Variants in TENM3 observed in about 807,000 individuals in gnomAD.
The protein encoded by TENM3 is teneurin transmembrane protein 3, also known as teneurin-3.
A neutral mutation model predicts 255.1 loss-of-function variants in TENM3; 63 were observed. That is an observed-to-expected ratio of 0.25 (90% confidence interval 0.20 to 0.30). The LOEUF is 0.30. Ranked by LOEUF, TENM3 falls within the 10% of genes least tolerant of loss-of-function variation. The probability of loss-of-function intolerance (pLI) is 1.00; values close to 1 mark genes in which losing one functional copy is unlikely to be tolerated. For missense variants in TENM3, 2,929 were observed against 3,461.1 expected (o/e 0.85, Z 3.86); for synonymous variants, 1,306 against 1,322.3 (o/e 0.99, Z 0.27).
chr4:181,781,418 C>G, the TENM3 span, among the ~76,000 whole-genome samples: 39 of 151,398 alleles, frequency 2.6e-4, no homozygotes, highest in Admixed American at 8.6e-4. Context: ...ATTTGGCTCT[C>G]TGTCTGTTAT....
At chr4:182,532,479 A>G (rs1371873988) in intron 3 of TENM3, among the ~76,000 whole-genome samples, 2 of 152,124 alleles carry the variant, frequency 1.3e-5, no homozygotes, top group African/African-American at 4.8e-5. Context: ...ACTCTCCTGT[A>G]TTTTCACTAA....
chr4:182,682,515 G>A (rs1429623908), intron 11 of TENM3, among the ~76,000 whole-genome samples: 1 of 152,098 alleles, frequency 6.6e-6, no homozygotes, highest in Non-Finnish European at 1.5e-5. Context: ...ATAAGACAAG[G>A]TAATTTCATT....
chr4:181,600,673 T>G, the TENM3 span, among the ~76,000 whole-genome samples: 3 of 151,148 alleles, frequency 2.0e-5, no homozygotes, highest in Non-Finnish European at 4.4e-5. Flanking sequence ...CATTCTTTCT[T>G]TGATATCCCA....
At chr4:182,722,391 A>G (rs1306519244) in intron 13 of TENM3, among the ~76,000 whole-genome samples, 1 of 152,148 alleles carries the variant, frequency 6.6e-6, no homozygotes, top group East Asian at 1.9e-4. Context: ...TTTTTCCTTC[A>G]TTTAGCAAAT....
intron 3 of TENM3, among the ~76,000 whole-genome samples, chr4:182,595,712 A>G (rs1747148199): frequency 6.6e-6 from 1 of 152,158 alleles, no homozygotes; most frequent in Admixed American, 6.5e-5. Context: ...TAACCATGGT[A>G]CCGAGAATTT....
chr4:181,874,796 G>A, the TENM3 span, among the ~76,000 whole-genome samples: 1 of 152,192 alleles, frequency 6.6e-6, no homozygotes, highest in Non-Finnish European at 1.5e-5. Flanking sequence ...CGCCTCCTCT[G>A]TTTAATGTTA....
chr4:181,920,560 C>T, the TENM3 span, among the ~76,000 whole-genome samples: 10 of 152,176 alleles, frequency 6.6e-5, no homozygotes, highest in East Asian at 1.9e-4. Context: ...TCATATCCTT[C>T]GCCCACTTTT....
At chr4:182,446,626 CTT>C (rs751176797) in intron 3 of TENM3, among the ~76,000 whole-genome samples, 28 of 143,010 alleles carry the variant, frequency 2.0e-4, no homozygotes, top group Non-Finnish European at 1.7e-4. Flanking sequence ...GGTCCTAGCA[CTT>C]TTTTTTTTTT....
At chr4:181,512,353 C>T in the TENM3 span, among the ~76,000 whole-genome samples, 1 of 152,186 alleles carries the variant, frequency 6.6e-6, no homozygotes, top group East Asian at 1.9e-4. Context: ...AAGCATAGTG[C>T]AGCAGCTTGC....
At chr4:182,565,491 A>G (rs1743682343) in intron 3 of TENM3, among the ~76,000 whole-genome samples, 1 of 152,222 alleles carries the variant, frequency 6.6e-6, no homozygotes, top group African/African-American at 2.4e-5. Flanking sequence ...TGTTGCCACT[A>G]TGTTGATTAT....
chr4:181,999,801 G>T, the TENM3 span, among the ~76,000 whole-genome samples: 2 of 152,058 alleles, frequency 1.3e-5, no homozygotes, highest in South Asian at 2.1e-4. Context: ...CTGTATTCAG[G>T]ATTTGACATA....
chr4:182,211,287 TTTGTC>T (rs1361556524), intron 1 of TENM3, among the ~76,000 whole-genome samples: 4 of 152,206 alleles, frequency 2.6e-5, no homozygotes, highest in East Asian at 1.9e-4. Flanking sequence ...TTTTTATACT[TTTGTC>T]TTTTCTTTTT....
At chr4:181,872,343 C>G in the TENM3 span, among the ~76,000 whole-genome samples, 1 of 151,344 alleles carries the variant, frequency 6.6e-6, no homozygotes, top group Non-Finnish European at 1.5e-5. Flanking sequence ...ATTTTAAGTT[C>G]AGGGGTACAT....
At chr4:181,827,164 G>A in the TENM3 span, among the ~76,000 whole-genome samples, 1 of 152,154 alleles carries the variant, frequency 6.6e-6, no homozygotes, top group Non-Finnish European at 1.5e-5. Context: ...GCTGTTGTTA[G>A]TCTCCCAACT....
At chr4:181,850,159 T>C in the TENM3 span, among the ~76,000 whole-genome samples, 3 of 152,102 alleles carry the variant, frequency 2.0e-5, no homozygotes, top group South Asian at 2.1e-4. Context: ...GATTTCGTTT[T>C]ATCTTTAATT....
chr4:182,054,947 G>A, the TENM3 span, among the ~76,000 whole-genome samples: 1 of 152,256 alleles, frequency 6.6e-6, no homozygotes, highest in African/African-American at 2.4e-5. Flanking sequence ...CCAGAGCTCG[G>A]AGGTAGGAGA....
At chr4:181,992,603 C>T in the TENM3 span, among the ~76,000 whole-genome samples, 4,677 of 152,060 alleles carry the variant, frequency 0.031, 117 homozygotes, top group Non-Finnish European at 0.044. Context: ...ATGACTTTCT[C>T]CTGAAAAAGA....
chr4:182,100,001 A>G, the TENM3 span, among the ~76,000 whole-genome samples: 3 of 152,226 alleles, frequency 2.0e-5, no homozygotes, highest in African/African-American at 7.2e-5. Context: ...AGTGGCTAAG[A>G]CGGTCAGTGT....
the TENM3 span, among the ~76,000 whole-genome samples, chr4:181,562,907 T>A: frequency 6.6e-6 from 1 of 152,118 alleles, no homozygotes; most frequent in Admixed American, 6.5e-5. Context: ...ATTTCTGACA[T>A]CAGGTGATTA....
Sources: allele counts gnomAD v4.1 joint callset (sites outside exome capture counted in the v4.1 genomes callset), GRCh38; gene constraint gnomAD v4.1.1; transcripts MANE v1.5; gene names NCBI Gene and HGNC (gene_info 2026-07-23, HGNC 2026-07-21).